DMD: variants seen among roughly 807,000 people sequenced by gnomAD.
DMD encodes dystrophin, also known as mutant dystrophin.
In DMD, 63 loss-of-function variants were observed where a neutral mutation model predicts 330.1. The observed-to-expected ratio is 0.19, with a 90% CI of 0.16 to 0.24. DMD has a LOEUF of 0.24. Ranked by LOEUF, DMD falls within the 10% of genes least tolerant of loss-of-function variation. The pLI, the probability that DMD is intolerant of heterozygous loss-of-function variation, is 1.00. For synonymous variants in DMD, 1,223 were observed against 959.8 expected (o/e 1.27, Z -5.07); for missense variants, 3,344 against 2,684.1 (o/e 1.25, Z -5.43).
rs1483533519 is a variant in DMD at position 31,276,574 on chromosome X, C to G, written c.9225-15558G>C. On this transcript the variant is annotated intron_variant, in intron 62 of 78. Coordinates refer to ENST00000357033, the MANE Select transcript of DMD (RefSeq NM_004006.3). ...AGCTGAACACACACAGACCCTATAA[C>G]CCAGAAATTCTACCCCTTGATATAG... Among the ~76,000 whole-genome samples, 5 of 111,903 alleles carry G rather than the reference C, an allele frequency of 4.5e-5. No homozygotes were observed. The East Asian group carries it at 1.4e-3, about 31-fold the overall frequency.
chrX:32,396,498 T>C (rs1261531377), intron 30 of DMD, among the ~76,000 whole-genome samples: 1 of 111,257 alleles, frequency 9.0e-6, no homozygotes, highest in Non-Finnish European at 1.9e-5. Context: ...GTTAAACATA[T>C]TTTGGAAATT....
At chrX:32,287,319 C>T (rs986526283) in intron 43 of DMD, among the ~76,000 whole-genome samples, 2 of 111,662 alleles carry the variant, frequency 1.8e-5, no homozygotes, top group African/African-American at 3.3e-5. Flanking sequence ...CAACATAACG[C>T]TAAATTTAAT....
chrX:32,837,368 G>A (rs994162028), intron 4 of DMD, among the ~76,000 whole-genome samples: 8 of 111,375 alleles, frequency 7.2e-5, no homozygotes, highest in African/African-American at 2.3e-4. Flanking sequence ...GAGAGACTAA[G>A]GTATCACTTC....
chrX:32,435,261 T>C (rs866181112), intron 29 of DMD, among the ~76,000 whole-genome samples: 2 of 86,138 alleles, frequency 2.3e-5, no homozygotes, highest in Non-Finnish European at 4.3e-5. Flanking sequence ...TTTACATATT[T>C]TAATATATAC....
chrX:31,758,386 A>G (rs1358195155), intron 51 of DMD, among the ~76,000 whole-genome samples: 1 of 110,841 alleles, frequency 9.0e-6, no homozygotes, highest in Non-Finnish European at 1.9e-5. Context: ...CCTTGGGCAC[A>G]CTCTGTCGTC....
chrX:31,773,502 T>C (rs901972356), intron 51 of DMD, among the ~76,000 whole-genome samples: 12 of 111,675 alleles, frequency 1.1e-4, no homozygotes, highest in African/African-American at 3.6e-4. Flanking sequence ...ATCCTTATCA[T>C]TGGAGAAGGC....
intron 43 of DMD, among the ~76,000 whole-genome samples, chrX:32,235,059 A>G (rs974155780): frequency 1.8e-5 from 2 of 111,621 alleles, no homozygotes; most frequent in African/African-American, 6.5e-5. Flanking sequence ...GATGGTTTCC[A>G]TATGATTCAA....
intron 55 of DMD, among the ~76,000 whole-genome samples, chrX:31,559,412 A>G (rs2075050498): frequency 1.0e-5 from 1 of 96,037 alleles, no homozygotes; most frequent in East Asian, 3.4e-4. Context: ...GGAGGCCGAG[A>G]CGGGCGGATC....
chrX:31,874,608 A>T (rs62587671), intron 48 of DMD, among the ~76,000 whole-genome samples: 43,442 of 109,776 alleles, frequency 0.4, 6,277 homozygotes, highest in East Asian at 0.51. Flanking sequence ...AAATAATAAT[A>T]ATTATTATCA....
At chrX:32,925,652 A>G (rs1033134324) in intron 2 of DMD, among the ~76,000 whole-genome samples, 3 of 112,141 alleles carry the variant, frequency 2.7e-5, no homozygotes, top group African/African-American at 9.7e-5. Flanking sequence ...GGGAAATAGT[A>G]TGTAAAAGTG....
intron 44 of DMD, among the ~76,000 whole-genome samples, chrX:32,110,664 C>T (rs968086818): frequency 9.0e-6 from 1 of 110,609 alleles, no homozygotes; most frequent in Non-Finnish European, 1.9e-5. Flanking sequence ...TTCCACATGG[C>T]TAGCTACACT....
chrX:32,294,599 C>T (rs2097487827), intron 42 of DMD, among the ~76,000 whole-genome samples: 2 of 111,402 alleles, frequency 1.8e-5, no homozygotes, highest in Non-Finnish European at 3.8e-5. Context: ...CGCGGGAAAA[C>T]TTTCTATCTT....
chrX:32,415,487 A>G (rs2098162787), intron 29 of DMD, among the ~76,000 whole-genome samples: 1 of 112,165 alleles, frequency 8.9e-6, no homozygotes, highest in Admixed American at 9.5e-5. Context: ...TAAACATCTG[A>G]TTAGGCGCAC....
chrX:32,571,979 C>A (rs1431959078), intron 15 of DMD, among the ~76,000 whole-genome samples: 1 of 111,988 alleles, frequency 8.9e-6, no homozygotes, highest in East Asian at 2.8e-4. Flanking sequence ...AAATATGATT[C>A]TTTTGCAAAC....
chrX:33,076,176 G>A (rs1370024581), intron 1 of DMD, among the ~76,000 whole-genome samples: 4 of 111,075 alleles, frequency 3.6e-5, no homozygotes, highest in African/African-American at 1.3e-4. Context: ...GACTCCCTAT[G>A]ATTTCATCTC....
At chrX:31,897,262 T>C (rs1381280552) in intron 47 of DMD, among the ~76,000 whole-genome samples, 3 of 112,093 alleles carry the variant, frequency 2.7e-5, no homozygotes, top group African/African-American at 9.7e-5. Context: ...TCATCCTTTT[T>C]TATGGCTGCA....
At chrX:33,323,726 A>G (rs1248734668) in intron 1 of DMD, among the ~76,000 whole-genome samples, 2 of 111,812 alleles carry the variant, frequency 1.8e-5, no homozygotes, top group African/African-American at 6.5e-5. Flanking sequence ...CACATACGGC[A>G]TCAAATAATG....
At chrX:33,166,799 A>G (rs1034581090) in intron 1 of DMD, among the ~76,000 whole-genome samples, 10 of 109,400 alleles carry the variant, frequency 9.1e-5, no homozygotes, top group Non-Finnish European at 1.7e-4. Flanking sequence ...CTCAGTGTGT[A>G]TTCATTGAGT....
At chrX:31,560,257 T>C (rs1188396072) in intron 55 of DMD, among the ~76,000 whole-genome samples, 1 of 111,642 alleles carries the variant, frequency 9.0e-6, no homozygotes, top group Non-Finnish European at 1.9e-5. Flanking sequence ...GATTTCAAAA[T>C]GCCAACAAAC....
Sources: allele counts gnomAD v4.1 joint callset (sites outside exome capture counted in the v4.1 genomes callset), GRCh38; gene constraint gnomAD v4.1.1; transcripts MANE v1.5; gene names NCBI Gene and HGNC (gene_info 2026-07-23, HGNC 2026-07-21).